The following SUMF1 variants were observed in gnomAD, a reference collection of about 807,000 sequenced individuals.
The protein encoded by SUMF1 is sulfatase modifying factor 1.
A neutral mutation model predicts 47.6 loss-of-function variants in SUMF1; 48 were observed. That is an observed-to-expected ratio of 1.01 (90% confidence interval 0.80 to 1.28). The LOEUF is 1.28. Ranked by LOEUF, SUMF1 falls within the 50% of genes most tolerant of loss-of-function variation. The pLI, the probability that SUMF1 is intolerant of heterozygous loss-of-function variation, is 0.00. For missense variants in SUMF1, 571 were observed against 485.4 expected (o/e 1.18, Z -1.66); for synonymous variants, 230 against 192.1 (o/e 1.20, Z -1.63).
chr3:4,285,953 C>T (rs1697624741), intron 8 of SUMF1, among the ~76,000 whole-genome samples: 1 of 152,006 alleles, frequency 6.6e-6, no homozygotes, highest in African/African-American at 2.4e-5. Flanking sequence ...CAAATAAATC[C>T]TAACTAGGTC....
chr3:4,246,962 C>T (rs1281434508), intron 8 of SUMF1, among the ~76,000 whole-genome samples: 1 of 152,098 alleles, frequency 6.6e-6, no homozygotes, highest in Non-Finnish European at 1.5e-5. Flanking sequence ...TTTCAGGGCT[C>T]ATGAGTGCCT....
At chr3:4,260,730 G>A (rs1394110108) in intron 8 of SUMF1, among the ~76,000 whole-genome samples, 1 of 151,764 alleles carries the variant, frequency 6.6e-6, no homozygotes, top group Non-Finnish European at 1.5e-5. Flanking sequence ...GCGAGAATAT[G>A]TCTAAGAAAA....
chr3:4,286,322 G>T (rs1320964145), intron 8 of SUMF1, among the ~76,000 whole-genome samples: 1 of 151,960 alleles, frequency 6.6e-6, no homozygotes, highest in African/African-American at 2.4e-5. Flanking sequence ...TGAGTTTTCT[G>T]CATCTATAGG....
chr3:4,065,866 A>G (rs1695363286), intron 9 of SUMF1, among the ~76,000 whole-genome samples: 1 of 152,156 alleles, frequency 6.6e-6, no homozygotes, highest in South Asian at 2.1e-4. Context: ...AAATGGCAAC[A>G]CCAACTATGG....
At chr3:4,040,309 A>G (rs929489895) in intron 9 of SUMF1, among the ~76,000 whole-genome samples, 3 of 152,120 alleles carry the variant, frequency 2.0e-5, no homozygotes, top group Non-Finnish European at 4.4e-5. Flanking sequence ...GGCTCCTTAT[A>G]ACCTACTTTT....
chr3:4,099,093 A>G (rs1309850315), intron 8 of SUMF1, among the ~76,000 whole-genome samples: 1 of 152,134 alleles, frequency 6.6e-6, no homozygotes, highest in Non-Finnish European at 1.5e-5. Context: ...AGAAGTAAGG[A>G]TCTGCCCTGA....
chr3:4,340,683 A>T (rs1699253580), intron 8 of SUMF1, among the ~76,000 whole-genome samples: 1 of 152,212 alleles, frequency 6.6e-6, no homozygotes, highest in Admixed American at 6.5e-5. Context: ...AGGGATATTT[A>T]AGAGGCAACA....
intron 8 of SUMF1, among the ~76,000 whole-genome samples, chr3:4,215,659 C>T (rs1239271229): frequency 6.6e-6 from 1 of 152,136 alleles, no homozygotes; most frequent in East Asian, 1.9e-4. Context: ...AGTCTCAGCC[C>T]AAAATCTCCT....
chr3:4,384,464 G>A (rs1001630974), intron 7 of SUMF1, among the ~76,000 whole-genome samples: 3 of 152,124 alleles, frequency 2.0e-5, no homozygotes, highest in South Asian at 2.1e-4. Context: ...TTATAGTTAC[G>A]ACCACTTCCT....
chr3:4,044,605 G>C (rs1170972040), intron 9 of SUMF1, among the ~76,000 whole-genome samples: 1 of 152,164 alleles, frequency 6.6e-6, no homozygotes, highest in African/African-American at 2.4e-5. Flanking sequence ...CCAATAACTT[G>C]TTCAGCCTCA....
At chr3:4,366,039 T>C (rs1387308423) in intron 8 of SUMF1, among the ~76,000 whole-genome samples, 3 of 151,904 alleles carry the variant, frequency 2.0e-5, no homozygotes, top group African/African-American at 7.3e-5. Flanking sequence ...ATGTTGAATA[T>C]TGGCCCCCAC....
chr3:4,421,162 T>C (rs1701885987), intron 3 of SUMF1, among the ~76,000 whole-genome samples: 1 of 152,240 alleles, frequency 6.6e-6, no homozygotes, highest in Admixed American at 6.5e-5. Context: ...ACACAGGCTT[T>C]GGAGCCAGTC....
At chr3:4,111,817 G>A (rs73129196) in intron 8 of SUMF1, among the ~76,000 whole-genome samples, 22,779 of 152,040 alleles carry the variant, frequency 0.15, 3,675 homozygotes, top group African/African-American at 0.39. Flanking sequence ...AACGTAAAAG[G>A]TGTTTTAGTA....
At chr3:4,277,112 A>G (rs1015999175) in intron 8 of SUMF1, among the ~76,000 whole-genome samples, 5 of 152,130 alleles carry the variant, frequency 3.3e-5, no homozygotes, top group Admixed American at 2.0e-4. Context: ...TTAATAAACT[A>G]TCCTCCTCAC....
intron 8 of SUMF1, among the ~76,000 whole-genome samples, chr3:4,201,698 A>G (rs528229836): frequency 2.0e-5 from 3 of 152,118 alleles, no homozygotes; most frequent in Non-Finnish European, 4.4e-5. Context: ...TTCTATTTTT[A>G]GTTTTTTGAG....
chr3:4,163,139 C>T lies in SUMF1; in HGVS notation c.1015-94394G>A, dbSNP rs111750370. 1.3e-3 allele frequency among the ~76,000 whole-genome samples: 192 copies of T among 151,544 alleles called. 1 individual carries two copies. The highest frequency in any genetic ancestry group is 2.1e-3 in the Non-Finnish European group (145 of 67,886). ...GCAGCCTGAAAAAAAAAATCACTGT[C>T]TACTGCTACACCTAGGAAATGTAGC... On this transcript the variant is annotated intron_variant and NMD_transcript_variant, in intron 8 of 12. Coordinates refer to the SUMF1 transcript ENST00000448413.
At chr3:4,114,265 T>C (rs770052269) in intron 8 of SUMF1, among the ~76,000 whole-genome samples, 14 of 152,138 alleles carry the variant, frequency 9.2e-5, no homozygotes, top group Non-Finnish European at 1.5e-4. Flanking sequence ...GAGTTTGCTA[T>C]GGCAGAATCA....
intron 7 of SUMF1, among the ~76,000 whole-genome samples, chr3:4,408,374 T>C (rs1254958802): frequency 6.6e-6 from 1 of 152,218 alleles, no homozygotes; most frequent in African/African-American, 2.4e-5. Context: ...CTGTTAACAT[T>C]ATGTAGTAGG....
At chr3:4,319,248 C>T (rs80097955) in intron 8 of SUMF1, among the ~76,000 whole-genome samples, 1,633 of 152,330 alleles carry the variant, frequency 0.011, 19 homozygotes, top group African/African-American at 0.036. Context: ...AGCAATCATG[C>T]TCCTGTTACC....
Sources: gnomAD v4.1 joint callset for allele counts (sites outside exome capture counted in the v4.1 genomes callset) on GRCh38, gnomAD v4.1.1 for gene constraint, MANE v1.5 for transcripts, NCBI Gene and HGNC (gene_info 2026-07-23, HGNC 2026-07-21) for gene names.